GPR82: variants seen among roughly 807,000 people sequenced by gnomAD.
The protein encoded by GPR82 is probable G protein-coupled receptor 82.
Under a neutral mutation model 12.9 loss-of-function variants are expected in GPR82, and 6 were observed. The observed-to-expected ratio is 0.46, with a 90% confidence interval of 0.25 to 0.92. The LOEUF (loss-of-function observed/expected upper bound fraction) is 0.92, where lower values mean the gene tolerates loss of function less well. GPR82 is among the 40% of genes least tolerant of loss of function. GPR82 has a pLI of 0.16. For missense variants in GPR82, 241 were observed against 245.5 expected, an observed-to-expected ratio of 0.98 and a Z score of 0.12; for synonymous variants, 90 against 87.6, an observed-to-expected ratio of 1.03 and a Z score of -0.15.
At chrX:41,726,867 C>T (rs1408318829) in intron 2 of GPR82, 24 bp downstream of exon 2, 16 of 338,143 alleles carry the variant, frequency 4.7e-5, no homozygotes, top group South Asian at 3.4e-4. Context: ...TATACTTTCC[C>T]GTTCCATCCA....
rs376212640 is a variant in GPR82, at chrX:41,729,364, T to C, written c.*1327T>C. The C allele has an allele frequency of 4.1e-5, 5 of 122,809 alleles. No individual in the cohort carries two copies. Among genetic ancestry groups the C allele is most frequent in the Non-Finnish European group, 9.4e-5 (5 of 53,235 alleles). 10.1% of individuals were successfully genotyped at this position (122,809 alleles called of 1,213,427 possible). A position where few individuals can be genotyped will look rare whatever the true frequency, so the allele number is the denominator to read the frequency against. ...TGCTGTTTGCCAAGCATTCTACTTA[T>C]ATGCTTTACATATATTATTTTAATC... On this transcript the variant is annotated 3_prime_UTR_variant, in exon 3 of 3. Transcript: ENST00000302548.
chrX:41,727,496 T>G lies in GPR82; in HGVS notation c.470T>G (p.Ile157Ser). The G allele has an allele frequency of 8.3e-7, 1 of 1,209,318 alleles. No individual in the cohort carries two copies. The highest frequency in any genetic ancestry group is 1.1e-6 in the Non-Finnish European group (1 of 893,378). The change falls in exon 3 of 3, where the codon ATT becomes AGT. Residue 157 changes from isoleucine to serine, a missense_variant. Coordinates refer to ENST00000302548, the MANE Select transcript of GPR82 (RefSeq NM_080817.5). ...CCCAACTTTGCTAGAAAACTATGCATTTACATATGGGGAGTTGTACTGGGC... is the reference window on the plus strand; with the variant it reads ...CCCAACTTTGCTAGAAAACTATGCAGTTACATATGGGGAGTTGTACTGGGC... ...RQPNFARKLCIYIWGVVLGII... is the reference protein window; with the variant it reads ...RQPNFARKLCSYIWGVVLGII...
rs2068351382 is a variant in GPR82, at chrX:41,729,781, A to AAAATATAT, written c.*1745_*1746insAATATATA. Reference sequence around the variant, plus strand: ...AAAAAAAAAAAAAAAAAAAAAAAAAAATATATATATATATATATATATATA... The same window carrying AAAATATAT: ...AAAAAAAAAAAAAAAAAAAAAAAAAAAAATATATATATATATATATATATATATATATA... On this transcript the variant is annotated 3_prime_UTR_variant, in exon 3 of 3. Coordinates refer to ENST00000302548, the MANE Select transcript of GPR82 (RefSeq NM_080817.5). 1 of 38,007 alleles carries AAAATATAT rather than the reference A, an allele frequency of 2.6e-5. No individual in the cohort carries two copies. The highest frequency in any genetic ancestry group is 1.3e-4 in the African/African-American group (1 of 7,548). 3.1% of individuals were successfully genotyped at this position (38,007 alleles called of 1,213,427 possible).
At chrX:41,726,233 A>G (rs1023907192) in intron 1 of GPR82, among the ~76,000 whole-genome samples, 6 of 112,734 alleles carry the variant, frequency 5.3e-5, no homozygotes, top group African/African-American at 1.9e-4. Context: ...ACAGGTGCAG[A>G]GCCACCACAT....
At chrX:41,725,375 G>T (rs2068242973) in intron 1 of GPR82, among the ~76,000 whole-genome samples, 1 of 111,255 alleles carries the variant, frequency 9.0e-6, no homozygotes, top group Admixed American at 9.6e-5. Flanking sequence ...GAGTAAAATT[G>T]CCCTGAGGGG....
In GPR82 at chrX:41,727,324, C is replaced by A; in HGVS notation, c.298C>A (p.His100Asn). ...VVNFLGTLSM[H>N]ASMFVSLLIL... is the part of the protein sequence containing the mutation. ...CAATTTTCTGGGAACTCTATCCATG[C>A]ATGCAAGTATGTTTGTCAGTCTCTT... Residue 100 changes from histidine to asparagine, a missense_variant, in exon 3 of 3, where the codon CAT becomes AAT. Coordinates refer to ENST00000302548, the MANE Select transcript of GPR82 (RefSeq NM_080817.5). 1 of 1,206,370 alleles carries A rather than the reference C, an allele frequency of 8.3e-7. No homozygotes were observed. The highest frequency in any genetic ancestry group is 1.1e-6 in the Non-Finnish European group (1 of 890,516).
intron 1 of GPR82, among the ~76,000 whole-genome samples, chrX:41,724,862 T>A (rs763856995): frequency 2.7e-5 from 3 of 112,184 alleles, no homozygotes; most frequent in Non-Finnish European, 5.6e-5. Flanking sequence ...CTATGCATTA[T>A]CTGCACAAGG....
Position 41,728,344 on chromosome X carries a change from C to T in GPR82, c.*307C>T, listed in dbSNP as rs1184949493. On this transcript the variant is annotated 3_prime_UTR_variant, in exon 3 of 3. Coordinates refer to ENST00000302548, the MANE Select transcript of GPR82 (RefSeq NM_080817.5). ...TGCTTCTGTTCAGAACACGTTATTT[C>T]ATGACTAGGATAAAGAAGCAAATGG... 5.8e-6 allele frequency: 1 copy of T among 172,154 alleles called. No individual in the cohort carries two copies. Among genetic ancestry groups the T allele is most frequent in the Non-Finnish European group, 1.2e-5 (1 of 85,999 alleles). The allele number at this position is 172,154 out of a possible 1,213,427, so 14.2% of individuals were successfully genotyped here. A position where few individuals can be genotyped will look rare whatever the true frequency, so the allele number is the denominator to read the frequency against.
rs772222819 is a variant in GPR82, at chrX:41,727,247, A to G, written c.221A>G (p.Tyr74Cys). 5.0e-6 allele frequency: 6 copies of G among 1,204,036 alleles called. No individual in the cohort carries two copies. Among genetic ancestry groups the G allele is most frequent in the Non-Finnish European group, 6.7e-6 (6 of 889,880 alleles). Residue 74 changes from tyrosine to cysteine, a missense_variant, in exon 3 of 3, where the codon TAT becomes TGT. Physicochemically the swap from Tyr to Cys is radical, Grantham distance 194 (BLOSUM62 -2). Transcript: ENST00000302548. Reference protein sequence around the residue: ...VCSAMPFMSIYFLKGFQWEYQ... With the variant: ...VCSAMPFMSICFLKGFQWEYQ... ...AGTGCCATGCCTTTCATGAGTATCT[A>G]TTTCCTGAAAGGTTTCCAATGGGAA...
rs1491211778 is a variant in GPR82 at position 41,729,806 on chromosome X, A to ATATATATATG, written c.*1770_*1771insATATATATGT. On this transcript the variant is annotated 3_prime_UTR_variant, in exon 3 of 3. Coordinates refer to ENST00000302548, the MANE Select transcript of GPR82 (RefSeq NM_080817.5). ...AATATATATATATATATATATATATATGTATGTATGTATGTATATGTGCAT... is the reference window on the plus strand; with the variant it reads ...AATATATATATATATATATATATATATATATATATGTGTATGTATGTATGTATATGTGCAT... 1.1e-5 allele frequency: 1 copy of ATATATATATG among 92,778 alleles called. No homozygotes were observed. 7.6% of individuals were successfully genotyped at this position (92,778 alleles called of 1,213,427 possible).
intron 1 of GPR82, among the ~76,000 whole-genome samples, chrX:41,726,155 T>C (rs1197569703): frequency 1.8e-5 from 2 of 112,165 alleles, no homozygotes; most frequent in Non-Finnish European, 3.8e-5. Flanking sequence ...CGCTATGTTG[T>C]CCAGGGTGTT....
At position 41,727,290 on chromosome X, in the gene GPR82, C is replaced by A. The variant is rs765104996; in HGVS notation, c.264C>A (p.Cys88Ter). The change falls in exon 3 of 3, where the codon TGC (cysteine) becomes TGA (stop). Residue 88 changes from cysteine (C) to a stop codon, truncating the protein, a stop_gained. Transcript: ENST00000302548. LOFTEE classifies it high-confidence loss of function. The part of the protein sequence containing the change: ...GFQWEYQSAQ[C>*]RVVNFLGTLS... ...AATGGGAATATCAATCTGCTCAATGCAGAGTGGTCAATTTTCTGGGAACTC... is the reference window on the plus strand; with the variant it reads ...AATGGGAATATCAATCTGCTCAATGAAGAGTGGTCAATTTTCTGGGAACTC... The A allele has an allele frequency of 1.7e-6, 2 of 1,207,794 alleles. No homozygotes were observed. Among genetic ancestry groups the A allele is most frequent in the East Asian group, 3.0e-5 (1 of 33,805 alleles).
chrX:41,725,804 C>A (rs1177892952), intron 1 of GPR82, among the ~76,000 whole-genome samples: 1 of 112,077 alleles, frequency 8.9e-6, no homozygotes, highest in Non-Finnish European at 1.9e-5. Flanking sequence ...ACTCAGATAG[C>A]AAATTACACA....
In GPR82 at chrX:41,727,085, T is replaced by C. The variant is rs369077460; in HGVS notation, c.59T>C (p.Ile20Thr). The C allele has an allele frequency of 7.7e-6, 9 of 1,164,423 alleles. No individual in the cohort carries two copies. The East Asian group carries it at 1.5e-4, about 19-fold the overall frequency. The part of the protein sequence containing the change: ...PSMISSMALP[I>T]IYILLCIVGV... The stretch of plus-strand genomic sequence containing the variant: ...ATGATCTCTTCCATGGCTTTACCAA[T>C]CATTTACATCCTCCTTTGTATTGTT... Residue 20 changes from isoleucine to threonine, a missense_variant, in exon 3 of 3, where the codon ATC (isoleucine) becomes ACC (threonine). Physicochemically the swap from Ile to Thr is moderately conservative, Grantham distance 89. Transcript: ENST00000302548.
chrX:41,725,247 G>A (rs1225516245), intron 1 of GPR82, among the ~76,000 whole-genome samples: 1 of 111,676 alleles, frequency 9.0e-6, no homozygotes, highest in Non-Finnish European at 1.9e-5. Context: ...AAGACTTTGG[G>A]TGTGGATTGG....
At chrX:41,724,810 T>C (rs991530292) in intron 1 of GPR82, among the ~76,000 whole-genome samples, 3 of 111,915 alleles carry the variant, frequency 2.7e-5, no homozygotes, top group African/African-American at 9.7e-5. Context: ...AAGCATTTAA[T>C]ATTCATACAG....
rs1022181314 is a variant in GPR82, at chrX:41,729,101, T to C, written c.*1064T>C. On this transcript the variant is annotated 3_prime_UTR_variant, in exon 3 of 3. Coordinates refer to ENST00000302548, the MANE Select transcript of GPR82 (RefSeq NM_080817.5). ...GGCAGTTAATTTTTTGTGAAATAAA[T>C]GAATGAATAATAAGGGAGTGTAATA... 6 of 123,475 alleles carry C rather than the reference T, an allele frequency of 4.9e-5. No individual in the cohort carries two copies. Among genetic ancestry groups the C allele is most frequent in the Non-Finnish European group, 1.1e-4 (6 of 53,313 alleles). 10.2% of individuals were successfully genotyped at this position (123,475 alleles called of 1,213,427 possible).
Position 41,729,317 on chromosome X carries a change from T to G in GPR82, c.*1280T>G, listed in dbSNP as rs2068325625. ...TTAAATCAGCTGTTACTATTATGAG[T>G]AGCTAACGCTTAGTAAGCACTTGCT... On this transcript the variant is annotated 3_prime_UTR_variant, in exon 3 of 3. Coordinates refer to ENST00000302548, the MANE Select transcript of GPR82 (RefSeq NM_080817.5). 1 of 123,241 alleles carries G rather than the reference T, an allele frequency of 8.1e-6. No homozygotes were observed. 10.2% of individuals were successfully genotyped at this position (123,241 alleles called of 1,213,427 possible). A position where few individuals can be genotyped will look rare whatever the true frequency, so the allele number is the denominator to read the frequency against.
Position 41,724,255 on chromosome X carries a change from A to G in GPR82, c.-140A>G, listed in dbSNP as rs1294634506. ...GAAATTTGGCATCACTGCCCTGAAC[A>G]ATATAACCTTAGTTGGCATAAACTA... On this transcript the variant is annotated 5_prime_UTR_variant, in exon 1 of 3. Coordinates refer to ENST00000302548, the MANE Select transcript of GPR82 (RefSeq NM_080817.5). The G allele has an allele frequency of 8.9e-6, 1 of 112,879 alleles. No homozygotes were observed. Among genetic ancestry groups the G allele is most frequent in the Non-Finnish European group, 1.9e-5 (1 of 53,371 alleles). 9.3% of individuals were successfully genotyped at this position (112,879 alleles called of 1,213,427 possible).
Sources: allele counts gnomAD v4.1 joint callset (sites outside exome capture counted in the v4.1 genomes callset), GRCh38; gene constraint gnomAD v4.1.1; transcripts MANE v1.5; gene names NCBI Gene and HGNC (gene_info 2026-07-23, HGNC 2026-07-21).